Variants in DIAPH2 observed in about 807,000 individuals in gnomAD.
DIAPH2 encodes the protein diaphanous related formin 2.
Under a neutral mutation model 92.7 loss-of-function variants are expected in DIAPH2, and 35 were observed. The observed-to-expected ratio is 0.38, with a 90% CI of 0.29 to 0.50. The LOEUF (loss-of-function observed/expected upper bound fraction) is 0.50, where lower values mean the gene tolerates loss of function less well. Among genes scored for constraint, DIAPH2 ranks in the 20% least tolerant of loss-of-function variants. The pLI is 0.94. For synonymous variants in DIAPH2, 301 were observed against 280.4 expected, an observed-to-expected ratio of 1.07 and a Z score of -0.73; for missense variants, 701 against 819.5, an observed-to-expected ratio of 0.86 and a Z score of 1.77.
chrX:97,510,885 C>A (rs2070884591), intron 26 of DIAPH2, among the ~76,000 whole-genome samples: 1 of 105,124 alleles, frequency 9.5e-6, no homozygotes, highest in Non-Finnish European at 2.0e-5. Flanking sequence ...GTTTTGGTAC[C>A]AGTACCATGC....
intron 3 of DIAPH2, among the ~76,000 whole-genome samples, chrX:96,755,711 C>G (rs749873942): frequency 1.1e-5 from 1 of 90,370 alleles, no homozygotes; most frequent in Admixed American, 1.2e-4. Context: ...AGTTTATTTA[C>G]TTTATCAAAA....
chrX:97,588,790 T>C (rs1481441925), intron 26 of DIAPH2, among the ~76,000 whole-genome samples: 1 of 107,159 alleles, frequency 9.3e-6, no homozygotes, highest in African/African-American at 3.4e-5. Context: ...ATATCCTTTT[T>C]TTCTTTCCAT....
chrX:97,080,936 G>C (rs1399650344), intron 19 of DIAPH2, among the ~76,000 whole-genome samples: 1 of 111,940 alleles, frequency 8.9e-6, no homozygotes, highest in Non-Finnish European at 1.9e-5. Flanking sequence ...ATGCAGGCTT[G>C]TGAGTCTGCA....
At chrX:97,256,971 G>A (rs1450290547) in intron 23 of DIAPH2, among the ~76,000 whole-genome samples, 1 of 99,620 alleles carries the variant, frequency 1.0e-5, no homozygotes, top group African/African-American at 3.6e-5. Flanking sequence ...CCTTTCTTCT[G>A]GTTTTAAATT....
Position 96,957,891 on chromosome X carries a change from G to A in DIAPH2, c.1678G>A (p.Val560Ile). 8.3e-7 allele frequency: 1 copy of A among 1,210,939 alleles called. No individual in the cohort carries two copies. Among genetic ancestry groups the A allele is most frequent in the Non-Finnish European group, 1.1e-6 (1 of 895,309 alleles). Residue 560 changes from valine (V) to isoleucine (I), a missense_variant, in exon 16 of 27, where the codon GTA (valine) becomes ATA (isoleucine). By Grantham distance (29) the Val-to-Ile change is conservative (BLOSUM62 3). Coordinates refer to ENST00000324765, the MANE Select transcript of DIAPH2 (RefSeq NM_006729.5). ...TCCTGCAGCACCTCCATTGCCAGGTGTAGGGCCGCCTCCACCACCACCCGC... is the reference window on the plus strand; with the variant it reads ...TCCTGCAGCACCTCCATTGCCAGGTATAGGGCCGCCTCCACCACCACCCGC... ...GPPAAPPLPG[V>I]GPPPPPPAPP...
At chrX:97,349,697 A>G (rs755258559) in intron 24 of DIAPH2, among the ~76,000 whole-genome samples, 3 of 110,833 alleles carry the variant, frequency 2.7e-5, no homozygotes, top group East Asian at 2.8e-4. Context: ...TTTGCTGAAA[A>G]TATTAGTTGA....
intron 17 of DIAPH2, among the ~76,000 whole-genome samples, chrX:97,059,980 A>C (rs1046166161): frequency 8.9e-5 from 10 of 112,592 alleles, no homozygotes; most frequent in African/African-American, 2.6e-4. Flanking sequence ...TATTTTAGTA[A>C]AATTTTCCAT....
intron 17 of DIAPH2, among the ~76,000 whole-genome samples, chrX:97,062,202 C>A (rs1327692901): frequency 9.0e-6 from 1 of 111,548 alleles, no homozygotes; most frequent in Non-Finnish European, 1.9e-5. Flanking sequence ...TCCTATGAGA[C>A]CAATGGTTGA....
chrX:96,739,806 G>A (rs890919174), intron 3 of DIAPH2, among the ~76,000 whole-genome samples: 4 of 111,178 alleles, frequency 3.6e-5, no homozygotes, highest in African/African-American at 1.3e-4. Flanking sequence ...TGCTTCTGTG[G>A]TGCACCCTTT....
intron 17 of DIAPH2, among the ~76,000 whole-genome samples, chrX:97,043,688 A>C (rs1390794434): frequency 2.7e-5 from 3 of 111,243 alleles, no homozygotes; most frequent in African/African-American, 9.8e-5. Flanking sequence ...CACCACTAAT[A>C]CAATTGAGAT....
intron 5 of DIAPH2, among the ~76,000 whole-genome samples, chrX:96,895,760 T>G (rs2065340904): frequency 8.9e-6 from 1 of 112,103 alleles, no homozygotes; most frequent in South Asian, 3.7e-4. Flanking sequence ...AAAACATAGT[T>G]ACTGGGTTTA....
chrX:96,743,082 C>T (rs894996183), intron 3 of DIAPH2, among the ~76,000 whole-genome samples: 2 of 111,878 alleles, frequency 1.8e-5, no homozygotes, highest in African/African-American at 6.5e-5. Flanking sequence ...ATTACTATTT[C>T]CTCTTTATGA....
At chrX:97,249,975 T>C (rs1473741511) in intron 23 of DIAPH2, among the ~76,000 whole-genome samples, 2 of 110,547 alleles carry the variant, frequency 1.8e-5, no homozygotes, top group Non-Finnish European at 3.8e-5. Flanking sequence ...TGCATGCCTG[T>C]AATCTCAGCT....
At chrX:97,562,447 A>G (rs184454449) in intron 26 of DIAPH2, among the ~76,000 whole-genome samples, 3,020 of 110,313 alleles carry the variant, frequency 0.027, 106 homozygotes, top group African/African-American at 0.096. Context: ...CGGAGGTTGC[A>G]GTGAACCGAG....
At chrX:97,462,513 G>A (rs920323041) in intron 26 of DIAPH2, among the ~76,000 whole-genome samples, 1 of 112,194 alleles carries the variant, frequency 8.9e-6, no homozygotes, top group African/African-American at 3.2e-5. Context: ...CTTGGTTTGT[G>A]CTCAGGTTGC....
intron 11 of DIAPH2, among the ~76,000 whole-genome samples, chrX:96,938,829 G>A (rs1338636536): frequency 3.6e-5 from 4 of 111,612 alleles, no homozygotes; most frequent in Non-Finnish European, 7.5e-5. Context: ...TGACCTCTTA[G>A]CAGTTTACAG....
chrX:96,796,583 G>A (rs981467487), intron 4 of DIAPH2, among the ~76,000 whole-genome samples: 3 of 110,863 alleles, frequency 2.7e-5, no homozygotes, highest in South Asian at 3.8e-4. Flanking sequence ...TCATGTATTG[G>A]CATATTAGAT....
intron 26 of DIAPH2, among the ~76,000 whole-genome samples, chrX:97,458,180 G>T (rs1251058901): frequency 1.8e-5 from 2 of 111,185 alleles, no homozygotes; most frequent in Non-Finnish European, 3.8e-5. Flanking sequence ...ATACCAAGGG[G>T]TTGGGATAAT....
chrX:97,132,202 ATC>A (rs1199233757), intron 21 of DIAPH2, among the ~76,000 whole-genome samples: 1 of 111,672 alleles, frequency 9.0e-6, no homozygotes, highest in Non-Finnish European at 1.9e-5. Context: ...AATTGATATT[ATC>A]TGTTTCCTTT....
Sources: gnomAD v4.1 joint callset for allele counts (sites outside exome capture counted in the v4.1 genomes callset) on GRCh38, gnomAD v4.1.1 for gene constraint, MANE v1.5 for transcripts, NCBI Gene and HGNC (gene_info 2026-07-23, HGNC 2026-07-21) for gene names.